ACSM2A: variants seen among roughly 807,000 people sequenced by gnomAD.
ACSM2A encodes acyl-CoA synthetase medium chain family member 2A.
Under a neutral mutation model 76.6 loss-of-function variants are expected in ACSM2A, and 72 were observed. The ratio of observed to expected loss-of-function variants is 0.94; its 90% confidence interval spans 0.78 to 1.14. The LOEUF is 1.14. Ranked by LOEUF, ACSM2A falls within the 50% of genes most tolerant of loss-of-function variation. ACSM2A has a pLI of 0.00. For synonymous variants in ACSM2A, 249 were observed against 255.9 expected (o/e 0.97, Z 0.26); for missense variants, 684 against 708.5 (o/e 0.97, Z 0.39).
intron 12 of ACSM2A, chr16:20,482,152 A>C (rs866775768): frequency 6.7e-6 from 1 of 150,082 alleles, no homozygotes; most frequent in Non-Finnish European, 1.4e-5. Context: ...AAAAAAAAAA[A>C]AAAGAAAGAA....
chr16:20,451,641 C>G lies in ACSM2A; in HGVS notation c.-49C>G, dbSNP rs111977380. ...GCTGCTGGCTGGAGAGGAGGGTGGACGAAGCTCTCTCTAGAAAGACATCCT... is the reference window on the plus strand; with the variant it reads ...GCTGCTGGCTGGAGAGGAGGGTGGAGGAAGCTCTCTCTAGAAAGACATCCT... On this transcript the variant is annotated 5_prime_UTR_variant, in exon 1 of 14. Coordinates refer to ENST00000573854, the MANE Select transcript of ACSM2A (RefSeq NM_001308172.2). 1 of 152,350 alleles carries G rather than the reference C, an allele frequency of 6.6e-6. No individual in the cohort carries two copies. Among genetic ancestry groups the G allele is most frequent in the South Asian group, 2.1e-4 (1 of 4,806 alleles). 9.4% of individuals were successfully genotyped at this position (152,350 alleles called of 1,614,324 possible).
At chr16:20,481,918 C>T (rs1254706079) in intron 12 of ACSM2A, 3 of 99,148 alleles carry the variant, frequency 3.0e-5, no homozygotes, top group African/African-American at 6.5e-5. Context: ...AGATGGATCA[C>T]GAGGTCAGGA....
chr16:20,475,679 T>G lies in ACSM2A; in HGVS notation c.1004T>G (p.Val335Gly), dbSNP rs2013693641. 6.2e-7 allele frequency: 1 copy of G among 1,613,904 alleles called. No homozygotes were observed. The highest frequency in any genetic ancestry group is 8.5e-7 in the Non-Finnish European group (1 of 1,179,942). The change falls in exon 8 of 14, where the codon GTC becomes GGC. Residue 335 changes from valine (V) to glycine (G), a missense_variant. By Grantham distance (109) the Val-to-Gly change is moderately radical (BLOSUM62 -3). This residue lies in a region of ACSM2A where 519 missense variants were observed against 549.5 expected (regional missense o/e 0.94). Transcript: ENST00000573854. ...AAGTTCCCCCATCTACAGAACTGCGTCACTGTAGGGGAGTCCCTTCTTCCA... is the reference window on the plus strand; with the variant it reads ...AAGTTCCCCCATCTACAGAACTGCGGCACTGTAGGGGAGTCCCTTCTTCCA... ...SYKFPHLQNC[V>G]TVGESLLPET... is the part of the protein sequence containing the mutation.
rs374744323 is a variant in ACSM2A, at chr16:20,477,198, G to T, written c.1099-171G>T. The T allele has an allele frequency of 1.0e-4, 126 of 1,249,346 alleles. 1 individual carries two copies. Among genetic ancestry groups the T allele is most frequent in the East Asian group, 1.0e-3 (38 of 38,060 alleles). The allele number at this position is 1,249,346 out of a possible 1,614,324, so 77.4% of individuals were successfully genotyped here. On this transcript the variant is annotated intron_variant, in intron 8 of 13. Coordinates refer to ENST00000573854, the MANE Select transcript of ACSM2A (RefSeq NM_001308172.2). Reference sequence around the variant, plus strand: ...ACTAACAATTTAGCGAAGCCCCTAGGATTGTGGTTCCAGTAATGGGGAGAG... The same window carrying T: ...ACTAACAATTTAGCGAAGCCCCTAGTATTGTGGTTCCAGTAATGGGGAGAG...
Position 20,484,897 on chromosome 16 carries a change from G to A in ACSM2A, c.1630-1677G>A, listed in dbSNP as rs1019527684. Among the ~76,000 whole-genome samples, 7 of 152,106 alleles carry A rather than the reference G, an allele frequency of 4.6e-5. 1 individual carries two copies. Among genetic ancestry groups the A allele is most frequent in the South Asian group, 2.1e-4 (1 of 4,822 alleles). On this transcript the variant is annotated intron_variant, in intron 13 of 13. Coordinates refer to ENST00000573854, the MANE Select transcript of ACSM2A (RefSeq NM_001308172.2). ...GGGGTGGGACTTCTTTGTCCCTGGA[G>A]GAGGATCTCAGCTGCATATCAGAGT...
At chr16:20,459,264 T>C (rs1193390027) in intron 1 of ACSM2A, among the ~76,000 whole-genome samples, 1 of 152,038 alleles carries the variant, frequency 6.6e-6, no homozygotes, top group Non-Finnish European at 1.5e-5. Context: ...AAATCACCAA[T>C]AAAGAACTTA....
Position 20,483,053 on chromosome 16 carries a change from T to C in ACSM2A, c.1510-5T>C, listed in dbSNP as rs1237791919. ...CCTTCTCTCTGGCCTTCATCTTTTT[T>C]GCAGGTGGTGAAGGCATTTGTGGTC... On this transcript the variant is annotated splice_polypyrimidine_tract_variant and splice_region_variant and intron_variant, in intron 12 of 13. Coordinates refer to ENST00000573854, the MANE Select transcript of ACSM2A (RefSeq NM_001308172.2). 4.3e-6 allele frequency: 7 copies of C among 1,613,432 alleles called. No individual in the cohort carries two copies. The highest frequency in any genetic ancestry group is 1.7e-5 in the Admixed American group (1 of 59,974).
intron 4 of ACSM2A, chr16:20,470,759 C>G (rs2013338644): frequency 1.9e-6 from 1 of 535,834 alleles, no homozygotes. Flanking sequence ...AAGCAATTTG[C>G]TCATTTCTTT....
chr16:20,476,103 T>C (rs974494792), intron 8 of ACSM2A: 3 of 1,086,426 alleles, frequency 2.8e-6, no homozygotes, highest in African/African-American at 1.7e-5. Context: ...GATATGGTAG[T>C]CAGAAAATTC....
At chr16:20,470,904 C>T in intron 4 of ACSM2A, 169 bp from the exon 5 acceptor site, 1 of 1,067,510 alleles carries the variant, frequency 9.4e-7, no homozygotes, top group Non-Finnish European at 1.4e-6. Context: ...TCAAACCCAA[C>T]TCTGATTGAC....
chr16:20,463,215 A>G (rs34485694), intron 2 of ACSM2A, among the ~76,000 whole-genome samples: 45 of 151,260 alleles, frequency 3.0e-4, no homozygotes, highest in Non-Finnish European at 5.2e-4. Context: ...CATGTACCCT[A>G]AAACTTAAAG....
chr16:20,468,391 C>T (rs538846276), intron 3 of ACSM2A, among the ~76,000 whole-genome samples: 25 of 152,192 alleles, frequency 1.6e-4, no homozygotes, highest in South Asian at 1.2e-3. Context: ...TTTTTTGAGA[C>T]GGAGTCTCCC....
At chr16:20,453,295 TA>T (rs2011902966) in intron 1 of ACSM2A, 1 of 151,742 alleles carries the variant, frequency 6.6e-6, no homozygotes, top group South Asian at 2.1e-4. Flanking sequence ...CAGAAGAACA[TA>T]AATTGTGAAG....
chr16:20,457,997 C>A (rs1030246689), intron 1 of ACSM2A, among the ~76,000 whole-genome samples: 1 of 151,830 alleles, frequency 6.6e-6, no homozygotes, highest in Non-Finnish European at 1.5e-5. Context: ...TGTACAAAAA[C>A]CAGTAGCTCT....
At chr16:20,471,498 C>A (rs756226097) in intron 5 of ACSM2A, 38 bp from the exon 6 acceptor site, 1 of 1,586,010 alleles carries the variant, frequency 6.3e-7, no homozygotes, top group South Asian at 1.2e-5. Context: ...TAAGCATGCA[C>A]CCACCTATAT....
At chr16:20,461,622 C>T (rs1234579613) in intron 2 of ACSM2A, among the ~76,000 whole-genome samples, 8 of 152,072 alleles carry the variant, frequency 5.3e-5, no homozygotes, top group South Asian at 4.2e-4. Flanking sequence ...AAAGGTGCAA[C>T]TCATTATAAA....
intron 1 of ACSM2A, among the ~76,000 whole-genome samples, chr16:20,454,524 C>G (rs1033880362): frequency 7.3e-5 from 11 of 151,654 alleles, no homozygotes; most frequent in Non-Finnish European, 1.3e-4. Flanking sequence ...TGATGGCCTC[C>G]CCTGAGGCAG....
At chr16:20,483,340 C>T (rs1025645938) in intron 13 of ACSM2A, among the ~76,000 whole-genome samples, 163 bp downstream of exon 13, 4 of 151,834 alleles carry the variant, frequency 2.6e-5, no homozygotes, top group East Asian at 1.9e-4. Context: ...GAGGCTGAGG[C>T]GGGTGGATCA....
In ACSM2A at chr16:20,460,271, C is replaced by T; in HGVS notation, c.157C>T (p.His53Tyr). The change falls in exon 2 of 14, where the codon CAC (histidine) becomes TAC (tyrosine). Residue 53 changes from histidine (H) to tyrosine (Y), a missense_variant. Physicochemically the swap from His to Tyr is moderately conservative, Grantham distance 83 (BLOSUM62 2). Coordinates refer to ENST00000573854, the MANE Select transcript of ACSM2A (RefSeq NM_001308172.2). ...KFNFASDVLD[H>Y]WADMEKAGKR... ...TAACTTTGCTAGTGATGTGTTGGAT[C>T]ACTGGGCTGACATGGAGAAGGTAAT... The T allele has an allele frequency of 1.2e-6, 2 of 1,613,682 alleles. No individual in the cohort carries two copies. Among genetic ancestry groups the T allele is most frequent in the Non-Finnish European group, 1.7e-6 (2 of 1,179,772 alleles).
Sources: allele counts gnomAD v4.1 joint callset (sites outside exome capture counted in the v4.1 genomes callset), GRCh38; gene constraint gnomAD v4.1.1; regional missense constraint gnomAD v4.1.1; transcripts MANE v1.5; gene names NCBI Gene and HGNC (gene_info 2026-07-23, HGNC 2026-07-21).